The following NCOA2 variants were observed in gnomAD, a reference collection of about 807,000 sequenced individuals.
NCOA2 encodes class E basic helix-loop-helix protein 75.
A neutral mutation model predicts 145.1 loss-of-function variants in NCOA2; 21 were observed. The ratio of observed to expected loss-of-function variants is 0.14; its 90% CI spans 0.10 to 0.21. The LOEUF (loss-of-function observed/expected upper bound fraction) is 0.21. NCOA2 is among the 10% of genes least tolerant of loss of function. The probability of loss-of-function intolerance (pLI) is 1.00; values close to 1 mark genes in which losing one functional copy is unlikely to be tolerated. For synonymous variants in NCOA2, 619 were observed against 637.5 expected (o/e 0.97, Z 0.44); for missense variants, 1,472 against 1,837.6 (o/e 0.80, Z 3.64).
At chr8:70,222,203 A>T (rs11785897) in intron 2 of NCOA2, among the ~76,000 whole-genome samples, 1 of 152,048 alleles carries the variant, frequency 6.6e-6, no homozygotes, top group Admixed American at 6.5e-5. Context: ...TTGTTTTCAA[A>T]TAAGTTCAAC....
intron 2 of NCOA2, among the ~76,000 whole-genome samples, chr8:70,252,804 T>C (rs1324769856): frequency 6.6e-6 from 1 of 152,262 alleles, no homozygotes; most frequent in Non-Finnish European, 1.5e-5. Context: ...GACAAAAGGC[T>C]ACTCTTTGTA....
At chr8:70,326,455 ACACACACACACACACATG>A (rs1435600449) in intron 1 of NCOA2, among the ~76,000 whole-genome samples, 1 of 147,966 alleles carries the variant, frequency 6.8e-6, no homozygotes, top group Non-Finnish European at 1.5e-5. Context: ...ACACACGTGC[ACACACACACACACACATG>A]CACACACACA....
chr8:70,178,711 T>C (rs934950859), intron 4 of NCOA2, among the ~76,000 whole-genome samples: 3 of 152,166 alleles, frequency 2.0e-5, no homozygotes, highest in African/African-American at 7.2e-5. Flanking sequence ...AAAAAAGGGA[T>C]GGAAATGGCT....
the NCOA2 span, among the ~76,000 whole-genome samples, chr8:70,438,488 C>T: frequency 1.3e-5 from 2 of 152,142 alleles, no homozygotes; most frequent in Non-Finnish European, 2.9e-5. Context: ...GACATATGTA[C>T]AGCATTTACT....
the NCOA2 span, among the ~76,000 whole-genome samples, chr8:70,417,965 T>G: frequency 6.6e-6 from 1 of 152,206 alleles, no homozygotes; most frequent in African/African-American, 2.4e-5. Flanking sequence ...TTCCAGTTCA[T>G]GGAGCCATTG....
intron 1 of NCOA2, among the ~76,000 whole-genome samples, chr8:70,382,368 A>G (rs1330140345): frequency 6.6e-6 from 1 of 152,146 alleles, no homozygotes; most frequent in Non-Finnish European, 1.5e-5. Flanking sequence ...TAAACTGGCT[A>G]GAATAAAGGG....
At chr8:70,444,897 T>C in the NCOA2 span, among the ~76,000 whole-genome samples, 1 of 152,218 alleles carries the variant, frequency 6.6e-6, no homozygotes, top group East Asian at 1.9e-4. Flanking sequence ...CTTGATTCTA[T>C]CTTTTAAATT....
At position 70,174,260 on chromosome 8, in the gene NCOA2, C is replaced by T. The variant is rs867069019; in HGVS notation, c.363+496G>A. Among the ~76,000 whole-genome samples the T allele has an allele frequency of 2.4e-4, 36 of 152,282 alleles. 2 individuals carry two copies. In the Middle Eastern group the frequency reaches 0.024, roughly 101 times the overall value. ...ACAGGTAGTTAAGACCAACCTTATG[C>T]TTCTCTTAAAAGTTCCTTTTGCCTA... On this transcript the variant is annotated intron_variant, in intron 5 of 22. Transcript: ENST00000452400.
chr8:70,244,894 C>A (rs370501235), intron 2 of NCOA2: 9 of 152,078 alleles, frequency 5.9e-5, no homozygotes, highest in African/African-American at 1.7e-4. Context: ...TTATCACTGC[C>A]TGGTTGTCAC....
At chr8:70,343,158 A>T (rs553815172) in intron 1 of NCOA2, among the ~76,000 whole-genome samples, 4 of 152,326 alleles carry the variant, frequency 2.6e-5, no homozygotes, top group South Asian at 4.1e-4. Context: ...CAAGGGACAA[A>T]GTCAATAGTA....
upstream of NCOA2, chr8:70,403,904 A>T: frequency 2.7e-6 from 1 of 368,468 alleles, no homozygotes; most frequent in Non-Finnish European, 4.8e-6. Context: ...GCGGAGAGAC[A>T]GACAGCGCGA....
chr8:70,308,376 GA>G lies in NCOA2; in HGVS notation c.-76-11577del, dbSNP rs199710222. On this transcript the variant is annotated intron_variant, in intron 1 of 22. Transcript: ENST00000452400. ...CAGATTTGGGAAAAATTTTTAAATA[GA>G]AACATGAAATCATAATCTGGGTACT... 9.3e-3 allele frequency among the ~76,000 whole-genome samples: 1,408 copies of G among 152,130 alleles called. 22 individuals are homozygous for G. The highest frequency in any genetic ancestry group is 0.032 in the African/African-American group (1,313 of 41,514).
intron 1 of NCOA2, among the ~76,000 whole-genome samples, chr8:70,297,507 A>AT (rs1646137838): frequency 6.6e-6 from 1 of 151,946 alleles, no homozygotes. Context: ...CTAATCTTTT[A>AT]TTTTTTGTAG....
the NCOA2 span, among the ~76,000 whole-genome samples, chr8:70,436,116 T>C: frequency 3.9e-5 from 6 of 152,286 alleles, no homozygotes; most frequent in South Asian, 1.0e-3. Flanking sequence ...AAAAACTAGA[T>C]ACCAAAACAA....
chr8:70,435,284 G>C, the NCOA2 span, among the ~76,000 whole-genome samples: 11 of 150,248 alleles, frequency 7.3e-5, no homozygotes, highest in Admixed American at 5.3e-4. Flanking sequence ...AATTAGCCGG[G>C]CGTGGTGGTG....
At chr8:70,216,492 AT>A in intron 3 of NCOA2, among the ~76,000 whole-genome samples, 167 bp downstream of exon 3, 1 of 152,344 alleles carries the variant, frequency 6.6e-6, no homozygotes, top group East Asian at 1.9e-4. Flanking sequence ...TCTGTAACTG[AT>A]TTGCATATTC....
chr8:70,310,868 T>C (rs769958102), intron 1 of NCOA2, among the ~76,000 whole-genome samples: 7 of 152,246 alleles, frequency 4.6e-5, no homozygotes, highest in African/African-American at 1.7e-4. Flanking sequence ...TTTCTATTTG[T>C]AGCATTTCTC....
chr8:70,419,571 T>C, the NCOA2 span, among the ~76,000 whole-genome samples: 1 of 152,070 alleles, frequency 6.6e-6, no homozygotes, highest in Non-Finnish European at 1.5e-5. Context: ...TTTTTGCCCT[T>C]TTTCTTGTCC....
In NCOA2 at chr8:70,156,545, C is replaced by T. The variant is rs777565659; in HGVS notation, c.1820G>A (p.Gly607Glu). 12 of 1,613,916 alleles carry T rather than the reference C, an allele frequency of 7.4e-6. No individual in the cohort carries two copies. The South Asian group carries it at 1.2e-4, about 16-fold the overall frequency. The stretch of plus-strand genomic sequence containing the variant: ...GGGGTCATTTGTTTCCTTTTGCTCT[C>T]CAGGATGGCAGCTGCTCTCTGCTTG... Reference protein sequence around the residue: ...TGQAESSCHPGEQKETNDPNL... With the variant: ...TGQAESSCHPEEQKETNDPNL... The change falls in exon 11 of 23, where the codon GGA becomes GAA. Residue 607 changes from glycine to glutamate, a missense_variant. Around this residue, in one of 4 missense-constraint regions of NCOA2, gnomAD observed 953 missense variants for 1,062.1 expected, o/e 0.90. Transcript: ENST00000452400.
Sources: allele counts gnomAD v4.1 joint callset (sites outside exome capture counted in the v4.1 genomes callset), GRCh38; gene constraint gnomAD v4.1.1; regional missense constraint gnomAD v4.1.1; transcripts MANE v1.5; gene names NCBI Gene and HGNC (gene_info 2026-07-23, HGNC 2026-07-21).